Variants in TRIP4 observed in about 807,000 individuals in gnomAD.
The protein encoded by TRIP4 is thyroid hormone receptor interactor 4.
Under a neutral mutation model 81.8 loss-of-function variants are expected in TRIP4, and 54 were observed. The ratio of observed to expected loss-of-function variants is 0.66; its 90% CI spans 0.53 to 0.83. The LOEUF is 0.83. Among genes scored for constraint, TRIP4 ranks in the 40% least tolerant of loss-of-function variants. The pLI is 0.00. For synonymous variants in TRIP4, 270 were observed against 242.8 expected, an observed-to-expected ratio of 1.11 and a Z score of -1.04; for missense variants, 662 against 683.6, an observed-to-expected ratio of 0.97 and a Z score of 0.35.
intron 11 of TRIP4, among the ~76,000 whole-genome samples, chr15:64,432,087 A>G (rs188952936): frequency 6.2e-4 from 93 of 150,520 alleles, no homozygotes; most frequent in African/African-American, 2.2e-3. Context: ...GGGTTTCACC[A>G]TGTTGGCCAG....
intron 5 of TRIP4, among the ~76,000 whole-genome samples, chr15:64,404,025 C>G (rs1891569937): frequency 6.6e-6 from 1 of 151,914 alleles, no homozygotes; most frequent in Non-Finnish European, 1.5e-5. Context: ...AACCCCGTCT[C>G]TACCAAAAAC....
At chr15:64,410,950 A>G (rs889196674) in intron 7 of TRIP4, among the ~76,000 whole-genome samples, 2 of 152,226 alleles carry the variant, frequency 1.3e-5, no homozygotes, top group Admixed American at 6.5e-5. Flanking sequence ...TTAACTAGCA[A>G]TCAGGAAATA....
At chr15:64,450,840 G>C in intron 12 of TRIP4, 2 of 416,798 alleles carry the variant, frequency 4.8e-6, no homozygotes, top group South Asian at 3.4e-5. Context: ...ACCTGAGCTG[G>C]TCTCACTTGA....
intron 9 of TRIP4, among the ~76,000 whole-genome samples, chr15:64,421,076 G>A (rs1231245397): frequency 1.3e-5 from 2 of 150,348 alleles, no homozygotes; most frequent in East Asian, 2.1e-4. Flanking sequence ...TTAGGAGGCC[G>A]AGGTGGGCGG....
chr15:64,391,134 G>T (rs2140545177), intron 1 of TRIP4, among the ~76,000 whole-genome samples: 2 of 151,918 alleles, frequency 1.3e-5, no homozygotes, highest in African/African-American at 4.8e-5. Context: ...CTGAATTTTT[G>T]AAATAGCACA....
intron 5 of TRIP4, among the ~76,000 whole-genome samples, chr15:64,401,444 A>G (rs1483084481): frequency 1.3e-5 from 2 of 151,514 alleles, no homozygotes; most frequent in African/African-American, 4.9e-5. Context: ...CAATATTTAC[A>G]TTTTTTTAGT....
rs559730200 is a variant in TRIP4 at position 64,408,546 on chromosome 15, C to T, written c.828-1067C>T. Among the ~76,000 whole-genome samples the T allele has an allele frequency of 3.5e-4, 53 of 151,980 alleles. No individual in the cohort carries two copies. In the East Asian group the frequency reaches 9.9e-3, roughly 28 times the overall value. ...AGTGTTGGGATTACAGGTGTTGAGC[C>T]ACTGTGCCCGGCTGACAAAATTTTT... On this transcript the variant is annotated intron_variant, in intron 6 of 12. Coordinates refer to ENST00000261884, the MANE Select transcript of TRIP4 (RefSeq NM_016213.5).
chr15:64,429,415 G>T (rs1892222073), intron 11 of TRIP4, among the ~76,000 whole-genome samples: 1 of 152,154 alleles, frequency 6.6e-6, no homozygotes, highest in Non-Finnish European at 1.5e-5. Context: ...GAGAGTTTAG[G>T]AATAATGGCT....
In TRIP4 at chr15:64,389,154, G is replaced by A. The variant is rs559461895; in HGVS notation, c.101+1190G>A. On this transcript the variant is annotated intron_variant, in intron 1 of 12. Coordinates refer to ENST00000261884, the MANE Select transcript of TRIP4 (RefSeq NM_016213.5). ...TGGCGGTCCAAAGTGTTCAGGCAGG[G>A]GAGAAAACTACAAAAATGGGACTTG... Among the ~76,000 whole-genome samples, 13 of 152,232 alleles carry A rather than the reference G, an allele frequency of 8.5e-5. No individual in the cohort carries two copies. The East Asian group carries it at 2.5e-3, about 29-fold the overall frequency.
At chr15:64,450,009 T>G (rs1024825444) in intron 12 of TRIP4, among the ~76,000 whole-genome samples, 19 of 152,284 alleles carry the variant, frequency 1.2e-4, no homozygotes, top group Admixed American at 1.2e-3. Context: ...TGTAAAAATA[T>G]TGGGGAAATA....
At position 64,414,202 on chromosome 15, in the gene TRIP4, C is replaced by T. The variant is rs758050195; in HGVS notation, c.1161C>T (p.Ser387=). 2 of 1,613,944 alleles carry T rather than the reference C, an allele frequency of 1.2e-6. No individual in the cohort carries two copies. ...GVLVNPNMYQ[S]PPQWVDHTGA... ...TGGTAAATCCCAACATGTACCAGTC[C>T]CCTCCCCAGGTTAGTGGACCTTTGC... is the stretch of plus-strand genomic sequence containing the variant. The change falls in exon 8 of 13, where the codon TCC becomes TCT. Residue 387 remains serine, a synonymous_variant. Coordinates refer to ENST00000261884, the MANE Select transcript of TRIP4 (RefSeq NM_016213.5).
intron 6 of TRIP4, among the ~76,000 whole-genome samples, chr15:64,407,989 T>C (rs1042337893): frequency 4.6e-5 from 7 of 151,296 alleles, no homozygotes; most frequent in African/African-American, 1.7e-4. Context: ...CCCAGCTACT[T>C]GGGAGGCTGA....
At chr15:64,399,186 A>G (rs1052289794) in intron 4 of TRIP4, among the ~76,000 whole-genome samples, 2 of 151,940 alleles carry the variant, frequency 1.3e-5, no homozygotes, top group African/African-American at 4.8e-5. Context: ...TCCTGACCTC[A>G]GGTGATCCAA....
intron 1 of TRIP4, among the ~76,000 whole-genome samples, chr15:64,390,936 G>T (rs1900109624): frequency 6.6e-6 from 1 of 151,992 alleles, no homozygotes; most frequent in Admixed American, 6.6e-5. Flanking sequence ...AAGGAGGTCA[G>T]TGCCCGTCGG....
At chr15:64,403,001 C>T (rs1057181037) in intron 5 of TRIP4, among the ~76,000 whole-genome samples, 20 of 150,702 alleles carry the variant, frequency 1.3e-4, no homozygotes, top group African/African-American at 4.9e-4. Flanking sequence ...TTGAGACTGG[C>T]GACGCCCGCC....
intron 5 of TRIP4, among the ~76,000 whole-genome samples, chr15:64,405,502 C>T (rs1345988568): frequency 6.6e-6 from 1 of 152,190 alleles, no homozygotes; most frequent in Non-Finnish European, 1.5e-5. Context: ...ATAGTCATCT[C>T]TGAACTTCAG....
rs368253157 is a variant in TRIP4 at position 64,418,892 on chromosome 15, G to A, written c.1358+164G>A. On this transcript the variant is annotated intron_variant, in intron 9 of 12. Coordinates refer to ENST00000261884, the MANE Select transcript of TRIP4 (RefSeq NM_016213.5). ...TATTCATGTTACTGACTTGGTAGCA[G>A]TATATTTTAAAATTAATTTCAAAAC... Among the ~76,000 whole-genome samples the A allele has an allele frequency of 4.4e-3, 673 of 152,244 alleles. 1 individual carries two copies. The highest frequency in any genetic ancestry group is 7.3e-3 in the South Asian group (35 of 4,826).
chr15:64,428,384 C>A (rs1194506617), intron 11 of TRIP4, among the ~76,000 whole-genome samples: 1 of 147,228 alleles, frequency 6.8e-6, no homozygotes, highest in Non-Finnish European at 1.5e-5. Context: ...TGATACTTCT[C>A]CTTTAACTTA....
chr15:64,390,126 A>G (rs933541421), intron 1 of TRIP4, among the ~76,000 whole-genome samples: 1 of 148,002 alleles, frequency 6.8e-6, no homozygotes. Flanking sequence ...TATATTAAAT[A>G]TATTAAATAT....
Sources: allele counts gnomAD v4.1 joint callset (sites outside exome capture counted in the v4.1 genomes callset), GRCh38; gene constraint gnomAD v4.1.1; transcripts MANE v1.5; gene names NCBI Gene and HGNC (gene_info 2026-07-23, HGNC 2026-07-21).